Variants in MAML3 observed in about 807,000 individuals in gnomAD.
MAML3 encodes the protein mastermind-like protein 3.
MAML3 carries 27 observed loss-of-function variants against 101.9 expected under a neutral mutation model. That is an observed-to-expected ratio of 0.27 (90% CI 0.20 to 0.37). The LOEUF is 0.37. MAML3 is among the 10% of genes least tolerant of loss of function. The pLI, the probability that MAML3 is intolerant of heterozygous loss-of-function variation, is 1.00. For synonymous variants in MAML3, 501 were observed against 555.9 expected (o/e 0.90, Z 1.39); for missense variants, 1,316 against 1,444.9 (o/e 0.91, Z 1.45).
At chr4:139,994,453 C>T (rs1734763113) in intron 1 of MAML3, among the ~76,000 whole-genome samples, 3 of 152,086 alleles carry the variant, frequency 2.0e-5, no homozygotes, top group Admixed American at 2.0e-4. Flanking sequence ...TTGCTTGAGG[C>T]CAGGAGGTTG....
chr4:140,027,847 T>C (rs1425933639), intron 1 of MAML3, among the ~76,000 whole-genome samples: 2 of 152,218 alleles, frequency 1.3e-5, no homozygotes, highest in Non-Finnish European at 1.5e-5. Flanking sequence ...TATAATAATA[T>C]ATCTAGTGTA....
rs1385720650 is a variant in MAML3 at position 139,989,882 on chromosome 4, C to CACAG, written c.469-98916_469-98915insCTGT. 1.4e-3 allele frequency among the ~76,000 whole-genome samples: 89 copies of CACAG among 63,124 alleles called. 2 individuals are homozygous for CACAG. The highest frequency in any genetic ancestry group is 4.9e-3 in the African/African-American group (84 of 17,242). The allele number at this position is 63,124 out of a possible 152,430, so 41.4% of individuals were successfully genotyped here. Reference sequence around the variant, plus strand: ...ACACACACACACACACACACACACACAGAGAGAGAGAGAGAGAGAAAGAGA... The same window carrying CACAG: ...ACACACACACACACACACACACACACACAGAGAGAGAGAGAGAGAGAGAAAGAGA... On this transcript the variant is annotated intron_variant, in intron 1 of 4. Coordinates refer to ENST00000509479, the MANE Select transcript of MAML3 (RefSeq NM_018717.5).
At chr4:139,919,895 G>C (rs1459712800) in intron 1 of MAML3, among the ~76,000 whole-genome samples, 2 of 152,140 alleles carry the variant, frequency 1.3e-5, no homozygotes, top group Non-Finnish European at 2.9e-5. Context: ...ACTCTTGCTT[G>C]ATTTATTAAA....
At chr4:139,984,153 A>G (rs1325977357) in intron 1 of MAML3, among the ~76,000 whole-genome samples, 2 of 152,174 alleles carry the variant, frequency 1.3e-5, no homozygotes, top group Non-Finnish European at 2.9e-5. Flanking sequence ...GCACTGGAGT[A>G]GTGGGCTACT....
chr4:140,071,311 T>A (rs978658873), intron 1 of MAML3, among the ~76,000 whole-genome samples: 1 of 152,150 alleles, frequency 6.6e-6, no homozygotes, highest in East Asian at 1.9e-4. Context: ...TCCAGCTGAC[T>A]CCACCAGCCT....
intron 1 of MAML3, chr4:140,134,607 A>C: frequency 3.0e-6 from 1 of 330,990 alleles, no homozygotes; most frequent in Non-Finnish European, 6.0e-6. Flanking sequence ...GAAAAACACC[A>C]CAGAAATAAA....
At chr4:139,878,919 A>G (rs795977) in intron 2 of MAML3, among the ~76,000 whole-genome samples, 107,477 of 152,008 alleles carry the variant, frequency 0.71, 38,239 homozygotes, top group Non-Finnish European at 0.74. Context: ...TCTTAAGGAA[A>G]GCAGCCTGGC....
At chr4:139,803,170 T>C (rs1321315920) in intron 2 of MAML3, among the ~76,000 whole-genome samples, 1 of 152,098 alleles carries the variant, frequency 6.6e-6, no homozygotes, top group Non-Finnish European at 1.5e-5. Flanking sequence ...GCGGGAGAAT[T>C]GCTTGAGCCT....
chr4:140,037,170 T>G (rs576924930), intron 1 of MAML3, among the ~76,000 whole-genome samples: 2 of 151,714 alleles, frequency 1.3e-5, no homozygotes, highest in South Asian at 2.1e-4. Context: ...CTGATGTTTT[T>G]GTTCCCAGAA....
intron 1 of MAML3, among the ~76,000 whole-genome samples, chr4:140,075,506 C>T (rs902467372): frequency 9.2e-5 from 14 of 152,076 alleles, no homozygotes; most frequent in African/African-American, 2.9e-4. Context: ...TATTTTAAAG[C>T]ACAATGTGAA....
At chr4:139,831,826 T>C (rs1731167988) in intron 2 of MAML3, among the ~76,000 whole-genome samples, 2 of 151,064 alleles carry the variant, frequency 1.3e-5, no homozygotes, top group Non-Finnish European at 1.5e-5. Flanking sequence ...GGAGTCTTGC[T>C]CTGTCACCCA....
intron 2 of MAML3, among the ~76,000 whole-genome samples, chr4:139,830,570 A>T (rs904288659): frequency 3.3e-5 from 5 of 151,670 alleles, no homozygotes; most frequent in African/African-American, 1.2e-4. Context: ...GCCCGCCACC[A>T]CGCCATGCTA....
chr4:140,124,374 G>A (rs965765121), intron 1 of MAML3, among the ~76,000 whole-genome samples: 16 of 152,102 alleles, frequency 1.1e-4, no homozygotes, highest in Admixed American at 9.8e-4. Context: ...GACTTATTTC[G>A]TGGCTCTTAG....
intron 1 of MAML3, among the ~76,000 whole-genome samples, chr4:139,925,872 A>T (rs1242492152): frequency 6.6e-6 from 1 of 152,238 alleles, no homozygotes; most frequent in Non-Finnish European, 1.5e-5. Context: ...GAAGGGTGTC[A>T]GTCCATTCAC....
At chr4:139,748,712 T>C (rs181192459) in intron 2 of MAML3, among the ~76,000 whole-genome samples, 1,568 of 152,082 alleles carry the variant, frequency 0.01, 9 homozygotes, top group Admixed American at 0.014. Context: ...TAAAATTTCT[T>C]TTTTTCTTTC....
chr4:140,116,333 G>A (rs547536552), intron 1 of MAML3, among the ~76,000 whole-genome samples: 1 of 152,078 alleles, frequency 6.6e-6, no homozygotes, highest in South Asian at 2.1e-4. Context: ...TAATATCCAG[G>A]GCCCCCAGGG....
intron 1 of MAML3, among the ~76,000 whole-genome samples, chr4:139,965,193 C>T (rs1734105389): frequency 6.8e-6 from 1 of 146,576 alleles, no homozygotes; most frequent in Non-Finnish European, 1.5e-5. Context: ...AAAATAACTC[C>T]CTGCTAGTTT....
intron 1 of MAML3, among the ~76,000 whole-genome samples, chr4:140,028,705 T>C (rs753971780): frequency 4.5e-4 from 68 of 152,224 alleles, no homozygotes; most frequent in Non-Finnish European, 9.4e-4. Flanking sequence ...AGCTCAGACA[T>C]TTGAGCATAA....
intron 1 of MAML3, among the ~76,000 whole-genome samples, chr4:139,932,240 G>C (rs1439527080): frequency 1.0e-5 from 1 of 96,720 alleles, no homozygotes; most frequent in Non-Finnish European, 1.9e-5. Context: ...TTTTGTTTTT[G>C]TTATCTTGAT....
Sources: allele counts gnomAD v4.1 joint callset (sites outside exome capture counted in the v4.1 genomes callset), GRCh38; gene constraint gnomAD v4.1.1; transcripts MANE v1.5; gene names NCBI Gene and HGNC (gene_info 2026-07-23, HGNC 2026-07-21).